KALRN: variants seen among roughly 807,000 people sequenced by gnomAD.
The protein encoded by KALRN is kalirin RhoGEF kinase.
KALRN carries 70 observed loss-of-function variants against 353.7 expected under a neutral mutation model. That is an observed-to-expected ratio of 0.20 (90% CI 0.16 to 0.24). KALRN has a LOEUF of 0.24. KALRN is among the 10% of genes least tolerant of loss of function. The probability of loss-of-function intolerance (pLI) is 1.00; values close to 1 mark genes in which losing one functional copy is unlikely to be tolerated. For synonymous variants in KALRN, 1,391 were observed against 1,434.8 expected, an observed-to-expected ratio of 0.97 and a Z score of 0.69; for missense variants, 2,791 against 3,756.7, an observed-to-expected ratio of 0.74 and a Z score of 6.72.
intron 16 of KALRN, among the ~76,000 whole-genome samples, chr3:124,433,941 A>G (rs1159091244): frequency 6.6e-6 from 1 of 152,222 alleles, no homozygotes; most frequent in African/African-American, 2.4e-5. Context: ...CGAAAACTCA[A>G]TGTACAATTT....
At chr3:124,398,969 GAGCATCC>G in intron 13 of KALRN, 98 bp downstream of exon 13, 1 of 1,275,536 alleles carries the variant, frequency 7.8e-7, no homozygotes, top group African/African-American at 1.5e-5. Context: ...AAGGAAATTA[GAGCATCC>G]AGCATGCATT....
intron 1 of KALRN, among the ~76,000 whole-genome samples, chr3:124,132,049 GT>G (rs546442103): frequency 5.6e-4 from 85 of 152,218 alleles, no homozygotes; most frequent in African/African-American, 1.9e-3. Context: ...TCATGTGGCT[GT>G]TTTTTACAAG....
chr3:124,478,937 C>G (rs1408414235), intron 27 of KALRN, among the ~76,000 whole-genome samples: 1 of 152,210 alleles, frequency 6.6e-6, no homozygotes, highest in African/African-American at 2.4e-5. Flanking sequence ...TTCTGTCTCT[C>G]TCTTCAAAAT....
chr3:124,645,469 G>A (rs908073813), intron 37 of KALRN, among the ~76,000 whole-genome samples: 1 of 152,176 alleles, frequency 6.6e-6, no homozygotes, highest in Non-Finnish European at 1.5e-5. Flanking sequence ...TTTTAAAAAT[G>A]TTTAAGTCTT....
intron 8 of KALRN, among the ~76,000 whole-genome samples, chr3:124,332,544 G>A (rs150295335): frequency 1.3e-5 from 2 of 152,230 alleles, no homozygotes; most frequent in East Asian, 1.9e-4. Context: ...AAAGATGCAT[G>A]TTCTGTTGGG....
At position 124,221,120 on chromosome 3, in the gene KALRN, C is replaced by T. The variant is rs575293859; in HGVS notation, c.74-6870C>T. 1.1e-3 allele frequency among the ~76,000 whole-genome samples: 163 copies of T among 152,346 alleles called. 1 individual carries two copies. The highest frequency in any genetic ancestry group is 3.6e-3 in the African/African-American group (148 of 41,584). ...TCAGACCACAGAGCCCACCCTCCTC[C>T]ATGCACTCCTTTTCATCACCCCCTA... On this transcript the variant is annotated intron_variant, in intron 1 of 59. Transcript: ENST00000682506.
rs73186237 is a variant in KALRN, at chr3:124,136,496, C to A, written c.74-91494C>A. On this transcript the variant is annotated intron_variant, in intron 1 of 59. Coordinates refer to ENST00000682506, the MANE Select transcript of KALRN (RefSeq NM_001388419.1). ...TTTACCAAATTGCCAAGGTCCCCCC[C>A]CCATTGATTGGAATCAGGATTTGAA... Among the ~76,000 whole-genome samples the A allele has an allele frequency of 1.3e-3, 191 of 152,208 alleles. 3 individuals carry two copies. In the South Asian group the frequency reaches 0.024, roughly 19 times the overall value.
chr3:124,044,168 C>T (rs1559862071), intron 1 of KALRN, among the ~76,000 whole-genome samples: 8 of 152,148 alleles, frequency 5.3e-5, no homozygotes. Context: ...CTCCTTCCAC[C>T]CCTTGTTTCA....
intron 10 of KALRN, among the ~76,000 whole-genome samples, chr3:124,349,625 G>A (rs78517213): frequency 0.02 from 2,977 of 152,136 alleles, 123 homozygotes; most frequent in East Asian, 0.1. Flanking sequence ...GGTGATGCTT[G>A]CACCACAACA....
At chr3:124,075,558 T>C (rs926592770) in intron 1 of KALRN, among the ~76,000 whole-genome samples, 2 of 152,238 alleles carry the variant, frequency 1.3e-5, no homozygotes, top group Non-Finnish European at 2.9e-5. Context: ...TCCATTTTTA[T>C]GAGCCATTTC....
intron 1 of KALRN, among the ~76,000 whole-genome samples, chr3:124,061,421 A>G (rs1349290099): frequency 2.6e-5 from 4 of 152,234 alleles, no homozygotes; most frequent in Non-Finnish European, 5.9e-5. Flanking sequence ...TTTTGAAGCC[A>G]GGCAATATGG....
At chr3:124,689,285 G>A (rs1196192062) in intron 51 of KALRN, among the ~76,000 whole-genome samples, 1 of 152,032 alleles carries the variant, frequency 6.6e-6, no homozygotes, top group Non-Finnish European at 1.5e-5. Flanking sequence ...CACTTTCTTG[G>A]CTTGCCACAG....
chr3:124,609,370 A>G lies in KALRN; in HGVS notation c.5183-23050A>G, dbSNP rs140692311. Among the ~76,000 whole-genome samples the G allele has an allele frequency of 7.0e-4, 107 of 152,232 alleles. 1 individual carries two copies. Among genetic ancestry groups the G allele is most frequent in the Non-Finnish European group, 1.5e-3 (99 of 67,998 alleles). On this transcript the variant is annotated intron_variant, in intron 34 of 59. Coordinates refer to ENST00000682506, the MANE Select transcript of KALRN (RefSeq NM_001388419.1). ...ATCAGCCACATAAATCCCCTCTTCC[A>G]TGTGAGCCTGATAGTTTGGGGGTCT...
intron 23 of KALRN, among the ~76,000 whole-genome samples, chr3:124,459,939 A>G (rs2059688739): frequency 6.6e-6 from 1 of 152,162 alleles, no homozygotes; most frequent in Non-Finnish European, 1.5e-5. Context: ...TAAAGAGCAG[A>G]AATGTATTGT....
intron 21 of KALRN, among the ~76,000 whole-genome samples, chr3:124,450,776 TG>T (rs2058698240): frequency 1.3e-5 from 2 of 152,160 alleles, no homozygotes; most frequent in African/African-American, 2.4e-5. Context: ...TTGGCCAGGC[TG>T]GTCTTGAACT....
intron 5 of KALRN, among the ~76,000 whole-genome samples, chr3:124,274,864 C>A (rs559432036): frequency 2.0e-5 from 3 of 152,150 alleles, no homozygotes; most frequent in Non-Finnish European, 2.9e-5. Context: ...TTTTTAAATG[C>A]CTTCCTGCAT....
chr3:124,424,815 A>G (rs892484573), intron 15 of KALRN, among the ~76,000 whole-genome samples: 1 of 152,202 alleles, frequency 6.6e-6, no homozygotes, highest in Non-Finnish European at 1.5e-5. Flanking sequence ...TTAAGAGAAC[A>G]TGCCCATGGG....
intron 1 of KALRN, among the ~76,000 whole-genome samples, chr3:124,077,061 C>A (rs568092308): frequency 5.9e-5 from 9 of 152,320 alleles, no homozygotes; most frequent in Admixed American, 2.0e-4. Flanking sequence ...AGCTTCTGGT[C>A]CAAGGTTACA....
chr3:124,435,657 GGTGAGA>G (rs1218786853), intron 17 of KALRN, among the ~76,000 whole-genome samples: 1 of 152,108 alleles, frequency 6.6e-6, no homozygotes, highest in East Asian at 1.9e-4. Context: ...CTGCAGCCAG[GGTGAGA>G]GTCTCCACCC....
Sources: gnomAD v4.1 joint callset for allele counts (sites outside exome capture counted in the v4.1 genomes callset) on GRCh38, gnomAD v4.1.1 for gene constraint, MANE v1.5 for transcripts, NCBI Gene and HGNC (gene_info 2026-07-23, HGNC 2026-07-21) for gene names.